Variants in RPTOR observed in about 807,000 individuals in gnomAD.
The protein encoded by RPTOR is regulatory-associated protein of mTOR.
In RPTOR, 21 loss-of-function variants were observed where a neutral mutation model predicts 169.9. The ratio of observed to expected loss-of-function variants is 0.12; its 90% CI spans 0.09 to 0.18. RPTOR has a LOEUF of 0.18. Among genes scored for constraint, RPTOR ranks in the 10% least tolerant of loss-of-function variants. The pLI is 1.00. For synonymous variants in RPTOR, 732 were observed against 753.2 expected, an observed-to-expected ratio of 0.97 and a Z score of 0.46; for missense variants, 1,133 against 1,855.9, an observed-to-expected ratio of 0.61 and a Z score of 7.16.
chr17:80,811,396 G>A (rs936947446), intron 7 of RPTOR, among the ~76,000 whole-genome samples: 1 of 152,208 alleles, frequency 6.6e-6, no homozygotes, highest in African/African-American at 2.4e-5. Context: ...ATGTTCAGAT[G>A]TTAAACAGTC....
chr17:80,951,297 C>T (rs758829157), intron 28 of RPTOR, among the ~76,000 whole-genome samples: 25 of 152,266 alleles, frequency 1.6e-4, no homozygotes, highest in Non-Finnish European at 2.5e-4. Context: ...CACGGGCTCT[C>T]AGTCTCTCCG....
intron 3 of RPTOR, among the ~76,000 whole-genome samples, chr17:80,681,355 G>A (rs1031425973): frequency 2.6e-5 from 4 of 152,284 alleles, no homozygotes; most frequent in African/African-American, 7.2e-5. Flanking sequence ...AGAAAGTTGC[G>A]GGGCCGCGGC....
chr17:80,736,966 C>T (rs1246003708), intron 5 of RPTOR, among the ~76,000 whole-genome samples: 4 of 152,174 alleles, frequency 2.6e-5, no homozygotes, highest in Non-Finnish European at 5.9e-5. Context: ...AGTGCTTTCC[C>T]CTGTAATCTC....
At chr17:80,709,858 C>T (rs1010776136) in intron 4 of RPTOR, among the ~76,000 whole-genome samples, 2 of 152,024 alleles carry the variant, frequency 1.3e-5, no homozygotes, top group Non-Finnish European at 2.9e-5. Context: ...CTTTTCCTAT[C>T]GGTTTGAGGG....
rs567455290 is a variant in RPTOR at position 80,596,092 on chromosome 17, G to A, written c.163-29599G>A. ...ATATGTTGTGAAGAAATGCACGTTG[G>A]AAAACATGGTCCTCCAGAAGCAATT... On this transcript the variant is annotated intron_variant, in intron 1 of 33. Transcript: ENST00000306801. Among the ~76,000 whole-genome samples the A allele has an allele frequency of 5.9e-5, 9 of 152,308 alleles. 1 individual carries two copies. In the South Asian group the frequency reaches 1.9e-3, roughly 32 times the overall value.
chr17:80,718,413 G>A (rs1473922268), intron 4 of RPTOR, among the ~76,000 whole-genome samples: 1 of 152,162 alleles, frequency 6.6e-6, no homozygotes, highest in Non-Finnish European at 1.5e-5. Context: ...GAGCACAGAC[G>A]GAAAGCAAAG....
intron 4 of RPTOR, among the ~76,000 whole-genome samples, chr17:80,718,418 G>A (rs2066257452): frequency 6.6e-6 from 1 of 152,188 alleles, no homozygotes; most frequent in Non-Finnish European, 1.5e-5. Context: ...CAGACGGAAA[G>A]CAAAGACTGT....
At chr17:80,919,769 G>A (rs530228912) in intron 21 of RPTOR, among the ~76,000 whole-genome samples, 2 of 152,344 alleles carry the variant, frequency 1.3e-5, no homozygotes, top group Non-Finnish European at 1.5e-5. Flanking sequence ...TGCCACCACC[G>A]AAGGTTGGCT....
rs904750557 is a variant in RPTOR, at chr17:80,820,770, C to T, written c.891-1431C>T. Among the ~76,000 whole-genome samples, 1 of 152,174 alleles carries T rather than the reference C, an allele frequency of 6.6e-6. No individual in the cohort carries two copies. The highest frequency in any genetic ancestry group is 1.5e-5 in the Non-Finnish European group (1 of 68,020). On this transcript the variant is annotated intron_variant, in intron 7 of 33. Transcript: ENST00000306801. The surrounding 1 kb of genome is among the most constrained non-coding windows in gnomAD (Gnocchi z 4.1). ...TGTCCTTGTGCCGTGTGTTCGCCTC[C>T]AGGCCTGGGTTTCTTTTAAATGGTG...
chr17:80,550,927 T>G (rs9902500), intron 1 of RPTOR, among the ~76,000 whole-genome samples: 147,195 of 152,246 alleles, frequency 0.97, 71,175 homozygotes, highest in East Asian at 1. Flanking sequence ...TCTCCTTGTT[T>G]CTCAGGCTGG....
intron 18 of RPTOR, among the ~76,000 whole-genome samples, 164 bp downstream of exon 18, chr17:80,892,001 T>A (rs1216552414): frequency 1.3e-5 from 2 of 152,200 alleles, no homozygotes; most frequent in Non-Finnish European, 2.9e-5. Flanking sequence ...CCTGCCAGAT[T>A]TAAAAGGGCA....
At position 80,936,844 on chromosome 17, in the gene RPTOR, G is replaced by A. The variant is rs1365689128; in HGVS notation, c.2920-3652G>A. On this transcript the variant is annotated intron_variant, in intron 24 of 33. Transcript: ENST00000306801. The surrounding 1 kb of genome is among the most constrained non-coding windows in gnomAD (Gnocchi z 4.1). ...GGAGTGAACGTGCATAGCAAGCTCC[G>A]AGCTTCATTCAGAGCTTCTCCCCCC... Among the ~76,000 whole-genome samples the A allele has an allele frequency of 1.3e-5, 2 of 152,206 alleles. No individual in the cohort carries two copies. Among genetic ancestry groups the A allele is most frequent in the African/African-American group, 2.4e-5 (1 of 41,444 alleles).
At chr17:80,925,288 G>C (rs1254283588) in intron 23 of RPTOR, 82 bp from the exon 24 acceptor site, 3 of 1,232,654 alleles carry the variant, frequency 2.4e-6, no homozygotes, top group South Asian at 1.3e-5. Flanking sequence ...TTTGTCCCCA[G>C]CTGCAGCTCT....
In RPTOR at chr17:80,966,363, C is replaced by G. The variant is rs752235432; in HGVS notation, c.*2033C>G. 4.5e-6 allele frequency: 1 copy of G among 224,714 alleles called. No homozygotes were observed. Among genetic ancestry groups the G allele is most frequent in the Non-Finnish European group, 8.9e-6 (1 of 112,766 alleles). 13.9% of individuals were successfully genotyped at this position (224,714 alleles called of 1,614,324 possible). On this transcript the variant is annotated 3_prime_UTR_variant, in exon 34 of 34. Transcript: ENST00000306801. ...AGAGTGACCAACAGTAAACAACACG[C>G]GCAGACTCCGCGGCTGGCGGCTGTG...
rs541412364 is a variant in RPTOR, at chr17:80,590,490, AT to A, written c.163-35200del. ...AAAGTAGGCATGCAGGTATGCGCACATGCGTGCACACAGTGTCTTTAATGGT... is the reference window on the plus strand; with the variant it reads ...AAAGTAGGCATGCAGGTATGCGCACAGCGTGCACACAGTGTCTTTAATGGT... On this transcript the variant is annotated intron_variant, in intron 1 of 33. Coordinates refer to ENST00000306801, the MANE Select transcript of RPTOR (RefSeq NM_020761.3). Among the ~76,000 whole-genome samples, 5 of 150,514 alleles carry A rather than the reference AT, an allele frequency of 3.3e-5. No individual in the cohort carries two copies. The South Asian group carries it at 1.0e-3, about 32-fold the overall frequency.
chr17:80,876,012 C>T (rs2068105832), intron 13 of RPTOR, among the ~76,000 whole-genome samples: 1 of 56,196 alleles, frequency 1.8e-5, no homozygotes, highest in Non-Finnish European at 3.4e-5. Flanking sequence ...AGGTCTTCCA[C>T]CGAGCCCGTG....
At chr17:80,691,778 T>A (rs143369515) in intron 3 of RPTOR, among the ~76,000 whole-genome samples, 197 of 152,340 alleles carry the variant, frequency 1.3e-3, no homozygotes, top group African/African-American at 4.4e-3. Flanking sequence ...GGGCTGCTCA[T>A]TGACCCTTGT....
intron 13 of RPTOR, among the ~76,000 whole-genome samples, chr17:80,863,294 TC>T (rs1197110485): frequency 1.3e-5 from 2 of 151,586 alleles, no homozygotes; most frequent in African/African-American, 2.4e-5. Flanking sequence ...CCAGAGGGCC[TC>T]CCCCAGCATC....
chr17:80,579,270 C>T (rs1356960291), intron 1 of RPTOR, among the ~76,000 whole-genome samples: 1 of 151,914 alleles, frequency 6.6e-6, no homozygotes, highest in Non-Finnish European at 1.5e-5. Context: ...CTCGGCTCAC[C>T]GCAACCTCCG....
Sources: allele counts gnomAD v4.1 joint callset (sites outside exome capture counted in the v4.1 genomes callset), GRCh38; gene constraint gnomAD v4.1.1; non-coding constraint Gnocchi (gnomAD v3.1); transcripts MANE v1.5; gene names NCBI Gene and HGNC (gene_info 2026-07-23, HGNC 2026-07-21).